Variants in KMT2C observed in about 807,000 individuals in gnomAD.
KMT2C encodes histone-lysine N-methyltransferase 2C.
A neutral mutation model predicts 507.9 loss-of-function variants in KMT2C; 88 were observed. The ratio of observed to expected loss-of-function variants is 0.17; its 90% CI spans 0.15 to 0.21. KMT2C has a LOEUF of 0.21. Among genes scored for constraint, KMT2C ranks in the 10% least tolerant of loss-of-function variants. KMT2C has a pLI of 1.00. For synonymous variants in KMT2C, 2,049 were observed against 2,080.8 expected, an observed-to-expected ratio of 0.98 and a Z score of 0.42; for missense variants, 4,954 against 5,957.8, an observed-to-expected ratio of 0.83 and a Z score of 5.55.
At chr7:152,280,631 C>T (rs2096191364) in intron 6 of KMT2C, among the ~76,000 whole-genome samples, 1 of 152,100 alleles carries the variant, frequency 6.6e-6, no homozygotes, top group East Asian at 1.9e-4. Context: ...AGGATTCACC[C>T]CCAGAGCTTC....
chr7:152,282,839 T>C (rs2096243314), intron 6 of KMT2C, among the ~76,000 whole-genome samples: 2 of 152,232 alleles, frequency 1.3e-5, no homozygotes, highest in African/African-American at 4.8e-5. Context: ...GTGAATTTTA[T>C]ATATAATTCT....
chr7:152,255,110 TA>T (rs1170606785), intron 9 of KMT2C, among the ~76,000 whole-genome samples: 4 of 17,396 alleles, frequency 2.3e-4, no homozygotes, highest in African/African-American at 5.3e-4. Context: ...AACTCTCACT[TA>T]TATATATATA....
At chr7:152,155,848 ACATTT>A (rs2092009414) in intron 46 of KMT2C, 57 bp downstream of exon 46, 26 of 1,479,078 alleles carry the variant, frequency 1.8e-5, no homozygotes, top group South Asian at 3.9e-5. Flanking sequence ...CCACATACAT[ACATTT>A]ATTTTTTTTA....
chr7:152,263,734 T>C (rs2095818067), intron 8 of KMT2C, among the ~76,000 whole-genome samples: 1 of 152,226 alleles, frequency 6.6e-6, no homozygotes, highest in African/African-American at 2.4e-5. Context: ...AATACGAACC[T>C]TGTCATAATT....
rs371195141 is a variant in KMT2C at position 152,330,582 on chromosome 7, G to C, written c.389+19C>G. The C allele has an allele frequency of 6.2e-7, 1 of 1,611,186 alleles. No individual in the cohort carries two copies. Among genetic ancestry groups the C allele is most frequent in the African/African-American group, 1.3e-5 (1 of 74,846 alleles). On this transcript the variant is annotated intron_variant, in intron 3 of 58. Transcript: ENST00000262189. ...ATTCCTGTCACTAATATCCAATCCA[G>C]CTGCATTCATTCTCTAACCTGATTT... is the stretch of plus-strand genomic sequence containing the variant.
intron 23 of KMT2C, among the ~76,000 whole-genome samples, chr7:152,214,434 G>A (rs2094524025): frequency 6.6e-6 from 1 of 152,144 alleles, no homozygotes; most frequent in South Asian, 2.1e-4. Flanking sequence ...AGGTTCTTGG[G>A]AACTGAGACG....
In KMT2C at chr7:152,194,061, A is replaced by G. The variant is rs756996199; in HGVS notation, c.4608T>C (p.Thr1536=). Residue 1536 remains threonine (T), a synonymous_variant, in exon 31 of 59, where the codon ACT becomes ACC. Transcript: ENST00000262189. ...TTGGTGGGGGAGGCTGTGGCAATGG[A>G]GTTGGCTGAGTGTTCGCAGGACTAA... ...AVLSPANTQP[T]PLPQPPPPTQ... is the part of the protein sequence containing the mutation. 1.3e-6 allele frequency: 2 copies of G among 1,593,462 alleles called. No individual in the cohort carries two copies. The highest frequency in any genetic ancestry group is 1.7e-6 in the Non-Finnish European group (2 of 1,173,526).
chr7:152,268,981 T>C (rs2095909632), intron 7 of KMT2C, among the ~76,000 whole-genome samples: 1 of 152,216 alleles, frequency 6.6e-6, no homozygotes, highest in African/African-American at 2.4e-5. Context: ...AAATTTGAGA[T>C]ATTACTATTT....
chr7:152,377,693 C>T (rs979200811), intron 1 of KMT2C, among the ~76,000 whole-genome samples: 6 of 149,578 alleles, frequency 4.0e-5, no homozygotes, highest in African/African-American at 1.5e-4. Context: ...CAAGATCGCA[C>T]CACTGCACTC....
chr7:152,308,874 C>T (rs147202646), intron 6 of KMT2C, among the ~76,000 whole-genome samples: 8 of 152,030 alleles, frequency 5.3e-5, no homozygotes, highest in Non-Finnish European at 8.8e-5. Context: ...GACAGCAAAG[C>T]AGTATCACTT....
At position 152,238,819 on chromosome 7, in the gene KMT2C, C is replaced by T; in HGVS notation, c.2540G>A (p.Trp847Ter). 6.2e-7 allele frequency: 1 copy of T among 1,601,132 alleles called. No homozygotes were observed. The highest frequency in any genetic ancestry group is 8.5e-7 in the Non-Finnish European group (1 of 1,175,774). ...TGGGCTCACTGTATTATGGGTACTC[C>T]AAGCCCCCTAGGATATGGCAGTTGA... ...PGRPRSKQGAWSTHNTVSPPS... is the reference protein window; with the variant it reads ...PGRPRSKQGA Residue 847 changes from tryptophan (W) to a stop codon, truncating the protein, a stop_gained, in exon 15 of 59, where the codon TGG (tryptophan) becomes TAG (stop). Transcript: ENST00000262189. LOFTEE classifies it high-confidence loss of function.
At chr7:152,209,104 A>T (rs909236111) in intron 23 of KMT2C, among the ~76,000 whole-genome samples, 10 of 148,772 alleles carry the variant, frequency 6.7e-5, no homozygotes, top group Admixed American at 2.1e-4. Context: ...GGTTTCAGTG[A>T]GCCGAGATTG....
intron 25 of KMT2C, among the ~76,000 whole-genome samples, chr7:152,204,289 C>CT (rs1368245150): frequency 6.6e-6 from 1 of 152,122 alleles, no homozygotes; most frequent in African/African-American, 2.4e-5. Context: ...CAGAGGAAGA[C>CT]TGTCTCAAAA....
At chr7:152,200,868 G>C (rs2094115631) in intron 26 of KMT2C, among the ~76,000 whole-genome samples, 1 of 152,110 alleles carries the variant, frequency 6.6e-6, no homozygotes, top group African/African-American at 2.4e-5. Flanking sequence ...GAAGTCTGGT[G>C]GAGGCAATGA....
chr7:152,267,520 G>C (rs557741878), intron 7 of KMT2C, among the ~76,000 whole-genome samples: 1 of 152,216 alleles, frequency 6.6e-6, no homozygotes, highest in South Asian at 2.1e-4. Context: ...TTATAGTTTA[G>C]TCTATCATAT....
chr7:152,434,694 C>T (rs921871730), intron 1 of KMT2C, among the ~76,000 whole-genome samples: 1 of 152,190 alleles, frequency 6.6e-6, no homozygotes, highest in Non-Finnish European at 1.5e-5. Flanking sequence ...AGTTCGCTGG[C>T]ACTAAAACGG....
intron 8 of KMT2C, among the ~76,000 whole-genome samples, chr7:152,264,605 T>C (rs2129173073): frequency 6.6e-6 from 1 of 152,270 alleles, no homozygotes; most frequent in East Asian, 1.9e-4. Flanking sequence ...TTGGCTCAAC[T>C]CTAATTCTTC....
intron 52 of KMT2C, among the ~76,000 whole-genome samples, chr7:152,147,718 AAAAAAAAAAAGAAAAAG>A (rs1345986127): frequency 1.3e-5 from 2 of 149,418 alleles, no homozygotes; most frequent in Admixed American, 1.3e-4. Context: ...AAAAAAAAAA[AAAAAAAAAAAGAAAAAG>A]AAAAAGAAAA....
intron 1 of KMT2C, among the ~76,000 whole-genome samples, chr7:152,374,311 G>A (rs941281715): frequency 2.0e-5 from 3 of 149,456 alleles, no homozygotes; most frequent in African/African-American, 7.6e-5. Flanking sequence ...GCAAGACTCT[G>A]TCTCAAAAAA....
Sources: gnomAD v4.1 joint callset for allele counts (sites outside exome capture counted in the v4.1 genomes callset) on GRCh38, gnomAD v4.1.1 for gene constraint, MANE v1.5 for transcripts, NCBI Gene and HGNC (gene_info 2026-07-23, HGNC 2026-07-21) for gene names.